The following INTS2 variants were observed in gnomAD, a reference collection of about 807,000 sequenced individuals.
INTS2 encodes KIAA1287.
INTS2 carries 57 observed loss-of-function variants against 139.6 expected under a neutral mutation model. The ratio of observed to expected loss-of-function variants is 0.41; its 90% CI spans 0.33 to 0.51. The LOEUF is 0.51. Ranked by LOEUF, INTS2 falls within the 20% of genes least tolerant of loss-of-function variation. The pLI is 0.28. For synonymous variants in INTS2, 473 were observed against 493.4 expected, an observed-to-expected ratio of 0.96 and a Z score of 0.55; for missense variants, 1,196 against 1,436.7, an observed-to-expected ratio of 0.83 and a Z score of 2.71.
intron 9 of INTS2, among the ~76,000 whole-genome samples, chr17:61,899,774 T>A (rs1188343905): frequency 6.6e-6 from 1 of 151,730 alleles, no homozygotes; most frequent in African/African-American, 2.4e-5. Flanking sequence ...TAGACAGGCA[T>A]GGTGGCGCAT....
At position 61,901,615 on chromosome 17, in the gene INTS2, T is replaced by C. The variant is rs868062855; in HGVS notation, c.1307+2845A>G. Among the ~76,000 whole-genome samples the C allele has an allele frequency of 4.4e-3, 483 of 110,922 alleles. 2 individuals are homozygous for C. Among genetic ancestry groups the C allele is most frequent in the African/African-American group, 5.2e-3 (162 of 30,938 alleles). The allele number at this position is 110,922 out of a possible 152,430, so 72.8% of individuals were successfully genotyped here. On this transcript the variant is annotated intron_variant, in intron 9 of 24. Coordinates refer to ENST00000251334, the MANE Select transcript of INTS2 (RefSeq NM_001351695.2). ...TTTTTTTTTTTTTTTTTTTTTTTTT[T>C]CTGAGATGCAGTCCCGCTCTGTAGC...
Position 61,867,009 on chromosome 17 carries a change from T to C in INTS2, c.*548A>G, listed in dbSNP as rs895673720. The C allele has an allele frequency of 1.3e-5, 2 of 152,236 alleles. No individual in the cohort carries two copies. Among genetic ancestry groups the C allele is most frequent in the African/African-American group, 4.8e-5 (2 of 41,462 alleles). The allele number at this position is 152,236 out of a possible 1,614,324, so 9.4% of individuals were successfully genotyped here. ...CTTTTTAAAAGTCTTCTCAATACTC[T>C]TTCTTGAGAACTAGAATTCCAACTT... is the stretch of plus-strand genomic sequence containing the variant. On this transcript the variant is annotated 3_prime_UTR_variant, in exon 25 of 25. Coordinates refer to ENST00000251334, the MANE Select transcript of INTS2 (RefSeq NM_001351695.2). The surrounding 1 kb of genome is among the most constrained non-coding windows in gnomAD (Gnocchi z 5.6).
intron 5 of INTS2, among the ~76,000 whole-genome samples, chr17:61,914,702 CAAAAAA>C (rs58141533): frequency 6.1e-5 from 3 of 49,368 alleles, no homozygotes; most frequent in African/African-American, 2.0e-4. Context: ...GACTCCGTCT[CAAAAAA>C]AAAAAAAAAA....
At chr17:61,904,637 A>C (rs1232000299) in intron 8 of INTS2, 52 bp from the exon 9 acceptor site, 2 of 1,465,282 alleles carry the variant, frequency 1.4e-6, no homozygotes, top group Non-Finnish European at 1.8e-6. Context: ...GATGAAGAAG[A>C]AAAAGTGAAT....
chr17:61,903,876 T>C (rs1223022134), intron 9 of INTS2, among the ~76,000 whole-genome samples: 1 of 152,126 alleles, frequency 6.6e-6, no homozygotes, highest in East Asian at 1.9e-4. Context: ...TCATCTTTCA[T>C]ACTGGGAACT....
intron 5 of INTS2, among the ~76,000 whole-genome samples, chr17:61,917,562 G>A (rs959886604): frequency 6.6e-6 from 1 of 152,172 alleles, no homozygotes; most frequent in Admixed American, 6.6e-5. Context: ...CTCACTATAA[G>A]TGGGAGTTAA....
At chr17:61,881,707 T>C (rs1480236031) in intron 16 of INTS2, among the ~76,000 whole-genome samples, 2 of 152,200 alleles carry the variant, frequency 1.3e-5, no homozygotes, top group African/African-American at 4.8e-5. Flanking sequence ...AGCTCTAGAA[T>C]GGAGGCCTAG....
rs2079365635 is a variant in INTS2, at chr17:61,897,908, T to C, written c.1308-169A>G. Among the ~76,000 whole-genome samples, 1 of 152,222 alleles carries C rather than the reference T, an allele frequency of 6.6e-6. No individual in the cohort carries two copies. Among genetic ancestry groups the C allele is most frequent in the Admixed American group, 6.5e-5 (1 of 15,274 alleles). On this transcript the variant is annotated intron_variant, in intron 9 of 24. Transcript: ENST00000251334. The surrounding 1 kb of genome is among the most constrained non-coding windows in gnomAD (Gnocchi z 4.4). ...TGGGCCATTAATTGTCATTGAGGTA[T>C]GAAGTAATTCTAGAGCTCAAGAATG...
At chr17:61,898,535 A>G (rs2079372608) in intron 9 of INTS2, among the ~76,000 whole-genome samples, 1 of 152,122 alleles carries the variant, frequency 6.6e-6, no homozygotes, top group South Asian at 2.1e-4. Flanking sequence ...AGCTCAAGTG[A>G]TACGCCTGCC....
In INTS2 at chr17:61,870,478, T is replaced by C. The variant is rs2079080211; in HGVS notation, c.2779-490A>G. Among the ~76,000 whole-genome samples, 1 of 152,190 alleles carries C rather than the reference T, an allele frequency of 6.6e-6. No homozygotes were observed. The highest frequency in any genetic ancestry group is 6.5e-5 in the Admixed American group (1 of 15,280). On this transcript the variant is annotated intron_variant, in intron 20 of 24. Coordinates refer to ENST00000251334, the MANE Select transcript of INTS2 (RefSeq NM_001351695.2). This position sits in a 1 kb window ranked among gnomAD's most constrained non-coding sequence, Gnocchi z 4.4. ...GCTCTGGTTTCACAAGGAAAGAGTC[T>C]ACCTTACCATCCATTCCACCTGCAC...
At chr17:61,874,538 A>G (rs1181681159) in intron 19 of INTS2, among the ~76,000 whole-genome samples, 1 of 152,196 alleles carries the variant, frequency 6.6e-6, no homozygotes, top group East Asian at 1.9e-4. Context: ...GTGCATGCCA[A>G]AAAGATCACA....
chr17:61,882,873 T>C lies in INTS2; in HGVS notation c.2090-1702A>G, dbSNP rs1297471646. 3.9e-5 allele frequency among the ~76,000 whole-genome samples: 6 copies of C among 152,202 alleles called. No individual in the cohort carries two copies. The highest frequency in any genetic ancestry group is 8.8e-5 in the Non-Finnish European group (6 of 68,040). Reference sequence around the variant, plus strand: ...TCATAACAGTAAGACTACGCAGTAGTAGTAGGAATCAAAGTACTTTAGATC... The same window carrying C: ...TCATAACAGTAAGACTACGCAGTAGCAGTAGGAATCAAAGTACTTTAGATC... On this transcript the variant is annotated intron_variant, in intron 16 of 24. Transcript: ENST00000251334. This position sits in a 1 kb window ranked among gnomAD's most constrained non-coding sequence, Gnocchi z 4.7.
At chr17:61,899,910 TAAAA>T (rs58001968) in intron 9 of INTS2, among the ~76,000 whole-genome samples, 1 of 138,580 alleles carries the variant, frequency 7.2e-6, no homozygotes. Context: ...AGATCCTATC[TAAAA>T]AAAAAAAAAA....
intron 3 of INTS2, among the ~76,000 whole-genome samples, chr17:61,922,774 G>A (rs1186766394): frequency 2.0e-5 from 3 of 151,852 alleles, no homozygotes; most frequent in Non-Finnish European, 2.9e-5. Context: ...ACTCTTGGCT[G>A]AAATTTAAAA....
chr17:61,884,987 G>A lies in INTS2; in HGVS notation c.2003C>T (p.Pro668Leu). The stretch of plus-strand genomic sequence containing the variant: ...CATTAAAGAAGAAGAATATGATTTG[G>A]GCTTTCTTTGCATGGCAGCTATCAA... ...TKTLAAMQRKPKSYSSSLMDQ... is the reference protein window; with the variant it reads ...TKTLAAMQRKLKSYSSSLMDQ... The change falls in exon 16 of 25, where the codon CCC becomes CTC. Residue 668 changes from proline to leucine, a missense_variant. Physicochemically the swap from Pro to Leu is moderately conservative, Grantham distance 98. Transcript: ENST00000251334. 6.3e-7 allele frequency: 1 copy of A among 1,597,174 alleles called. No homozygotes were observed. The highest frequency in any genetic ancestry group is 1.1e-5 in the South Asian group (1 of 88,292).
At chr17:61,889,608 C>T (rs1317121652) in intron 15 of INTS2, among the ~76,000 whole-genome samples, 178 bp downstream of exon 15, 1 of 152,202 alleles carries the variant, frequency 6.6e-6, no homozygotes, top group Non-Finnish European at 1.5e-5. Context: ...ATCGTGGTTA[C>T]ATACCCCAAC....
chr17:61,906,147 T>C (rs2079460592), intron 8 of INTS2, among the ~76,000 whole-genome samples: 2 of 152,152 alleles, frequency 1.3e-5, no homozygotes, highest in Admixed American at 6.5e-5. Flanking sequence ...CCAAAAAACC[T>C]AAAATCTGAA....
At chr17:61,906,780 T>C (rs1455176267) in intron 8 of INTS2, among the ~76,000 whole-genome samples, 3 of 139,438 alleles carry the variant, frequency 2.2e-5, no homozygotes, top group South Asian at 4.6e-4. Context: ...AGGTAAGGAG[T>C]TCAAGACAAG....
intron 16 of INTS2, 121 bp from the exon 17 acceptor site, chr17:61,881,292 T>C: frequency 1.3e-6 from 1 of 787,566 alleles, no homozygotes; most frequent in East Asian, 2.8e-5. Context: ...TCTAAGTCAG[T>C]GTTTCTCAAA....
Sources: gnomAD v4.1 joint callset for allele counts (sites outside exome capture counted in the v4.1 genomes callset) on GRCh38, gnomAD v4.1.1 for gene constraint, Gnocchi (gnomAD v3.1) non-coding constraint, MANE v1.5 for transcripts, NCBI Gene and HGNC (gene_info 2026-07-23, HGNC 2026-07-21) for gene names.